Variants in ZCCHC8 observed in about 807,000 individuals in gnomAD.
ZCCHC8 encodes zinc finger CCHC domain-containing protein 8.
Under a neutral mutation model 70.6 loss-of-function variants are expected in ZCCHC8, and 27 were observed. That is an observed-to-expected ratio of 0.38 (90% CI 0.28 to 0.53). The LOEUF is 0.53. Among genes scored for constraint, ZCCHC8 ranks in the 20% least tolerant of loss-of-function variants. ZCCHC8 has a pLI of 0.81. For missense variants in ZCCHC8, 737 were observed against 876.9 expected, an observed-to-expected ratio of 0.84 and a Z score of 2.01; for synonymous variants, 293 against 317.4, an observed-to-expected ratio of 0.92 and a Z score of 0.82.
chr12:122,482,692 T>G lies in ZCCHC8; in HGVS notation c.675A>C (p.Pro225=). The G allele has an allele frequency of 6.2e-7, 1 of 1,604,170 alleles. No individual in the cohort carries two copies. Among genetic ancestry groups the G allele is most frequent in the Non-Finnish European group, 8.5e-7 (1 of 1,174,684 alleles). The change falls in exon 8 of 14, where the codon CCA becomes CCC. Residue 225 remains proline (P), a synonymous_variant. Transcript: ENST00000633063. ...GQEIQVKAKR[P]KPHCFNCGSE... is the part of the protein sequence containing the mutation. ...AACCACAATTGAAACAGTGAGGCTTTGGCCTATTTGGTCAAAAGACAAAGA... is the reference window on the plus strand; with the variant it reads ...AACCACAATTGAAACAGTGAGGCTTGGGCCTATTTGGTCAAAAGACAAAGA...
At chr12:122,488,307 C>T (rs1957679875) in intron 5 of ZCCHC8, among the ~76,000 whole-genome samples, 2 of 151,952 alleles carry the variant, frequency 1.3e-5, no homozygotes, top group East Asian at 3.9e-4. Flanking sequence ...CCTGGGATTA[C>T]AGGTGTGAGC....
At chr12:122,494,621 C>T (rs531136761) in intron 2 of ZCCHC8, among the ~76,000 whole-genome samples, 61 of 142,018 alleles carry the variant, frequency 4.3e-4, no homozygotes, top group Non-Finnish European at 4.3e-4. Context: ...TTTGGGAGGC[C>T]GAGGCGGGTG....
At chr12:122,492,513 A>G (rs1039692633) in intron 3 of ZCCHC8, among the ~76,000 whole-genome samples, 1 of 152,218 alleles carries the variant, frequency 6.6e-6, no homozygotes, top group African/African-American at 2.4e-5. Flanking sequence ...GTTCACAGAC[A>G]TAGAAAGTAA....
At chr12:122,489,228 A>G (rs1957701291) in intron 5 of ZCCHC8, among the ~76,000 whole-genome samples, 158 bp downstream of exon 5, 1 of 152,244 alleles carries the variant, frequency 6.6e-6, no homozygotes, top group Non-Finnish European at 1.5e-5. Context: ...TTAAACAGCA[A>G]ACTGAGGCTA....
intron 11 of ZCCHC8, chr12:122,478,522 CA>C: frequency 1.1e-5 from 5 of 457,078 alleles, no homozygotes; most frequent in African/African-American, 2.0e-5. Context: ...ATCACTTGGC[CA>C]AAAAAGGTTC....
In ZCCHC8 at chr12:122,481,555, C is replaced by G; in HGVS notation, c.985G>C (p.Glu329Gln). The G allele has an allele frequency of 6.2e-7, 1 of 1,613,872 alleles. No individual in the cohort carries two copies. Among genetic ancestry groups the G allele is most frequent in the Non-Finnish European group, 8.5e-7 (1 of 1,179,862 alleles). ...TCATAGAGTGCAAGCCCCGAATTCTCCAATTCAGCCTCTTTGAGCCACCCT... is the reference window on the plus strand; with the variant it reads ...TCATAGAGTGCAAGCCCCGAATTCTGCAATTCAGCCTCTTTGAGCCACCCT... ...PPGWLKEAEL[E>Q]NSGLALYDGK... The change falls in exon 10 of 14, where the codon GAG becomes CAG. Residue 329 changes from glutamate to glutamine, a missense_variant. Glu to Gln is a conservative substitution (Grantham distance 29). Coordinates refer to ENST00000633063, the MANE Select transcript of ZCCHC8 (RefSeq NM_017612.5).
chr12:122,481,735 T>C, intron 9 of ZCCHC8, 71 bp from the exon 10 acceptor site: 1 of 1,509,520 alleles, frequency 6.6e-7, no homozygotes, highest in Non-Finnish European at 8.9e-7. Flanking sequence ...TATTCTGGTA[T>C]TTTAAAACAT....
chr12:122,480,350 T>A, intron 10 of ZCCHC8, 39 bp from the exon 11 acceptor site: 1 of 1,542,152 alleles, frequency 6.5e-7, no homozygotes, highest in Non-Finnish European at 8.8e-7. Flanking sequence ...TTGCTAAATG[T>A]CAATATATAT....
At chr12:122,478,184 C>T in intron 12 of ZCCHC8, 22 bp downstream of exon 12, 1 of 1,523,236 alleles carries the variant, frequency 6.6e-7, no homozygotes, top group South Asian at 1.2e-5. Context: ...TTTTATAGAG[C>T]ACACCCTTAA....
Position 122,483,475 on chromosome 12 carries a change from C to A in ZCCHC8, c.590G>T (p.Gly197Val), listed in dbSNP as rs1387897053. Residue 197 changes from glycine (G) to valine (V), a missense_variant, in exon 6 of 14, where the codon GGA becomes GTA. Physicochemically the swap from Gly to Val is moderately radical, Grantham distance 109. Coordinates refer to ENST00000633063, the MANE Select transcript of ZCCHC8 (RefSeq NM_017612.5). The surrounding 1 kb of genome is among the most constrained non-coding windows in gnomAD (Gnocchi z 4.4). ...LLNENPQLSE[G>V]WEIPKYHQVF... is the part of the protein sequence containing the mutation. The stretch of plus-strand genomic sequence containing the variant: ...TGTAGGATACTTGGGTATTTCCCAT[C>A]CTTCGGAAAGCTGAGGGTTTTCATT... The A allele has an allele frequency of 6.3e-7, 1 of 1,593,110 alleles. No individual in the cohort carries two copies. Among genetic ancestry groups the A allele is most frequent in the Non-Finnish European group, 8.6e-7 (1 of 1,168,464 alleles).
chr12:122,473,742 CATT>C lies in ZCCHC8; in HGVS notation c.1876_1878del (p.Asn626del). 6.2e-7 allele frequency: 1 copy of C among 1,613,780 alleles called. No homozygotes were observed. The highest frequency in any genetic ancestry group is 8.5e-7 in the Non-Finnish European group (1 of 1,179,710). Reference sequence around the variant, plus strand: ...ATGTCACAGTTTGGTACGACACTGCCATTATCAAGAAGGGCACCTTCAGTGTTT... The same window carrying C: ...ATGTCACAGTTTGGTACGACACTGCCATCAAGAAGGGCACCTTCAGTGTTT... On this transcript the variant is annotated inframe_deletion, in exon 14 of 14. Coordinates refer to ENST00000633063, the MANE Select transcript of ZCCHC8 (RefSeq NM_017612.5).
intron 2 of ZCCHC8, among the ~76,000 whole-genome samples, chr12:122,493,296 T>C (rs983178994): frequency 6.6e-6 from 1 of 152,236 alleles, no homozygotes; most frequent in Non-Finnish European, 1.5e-5. Flanking sequence ...TTTTTTTTAA[T>C]GTTTAACAAA....
In ZCCHC8 at chr12:122,490,506, G is replaced by T. The variant is rs1394377630; in HGVS notation, c.379C>A (p.Gln127Lys). 6.2e-7 allele frequency: 1 copy of T among 1,612,738 alleles called. No homozygotes were observed. The stretch of plus-strand genomic sequence containing the variant: ...GAAGTCTTTTCCACATCATTTTTCT[G>T]CTGTTCCTCAAATCTTTTTACTAAA... Reference protein sequence around the residue: ...SNLVKRFEEQQKNDVEKTSFN... With the variant: ...SNLVKRFEEQKKNDVEKTSFN... Residue 127 changes from glutamine (Q) to lysine (K), a missense_variant, in exon 4 of 14, where the codon CAG becomes AAG. By Grantham distance (53) the Gln-to-Lys change is moderately conservative. Transcript: ENST00000633063.
intron 8 of ZCCHC8, chr12:122,482,418 G>C (rs1422286489): frequency 4.6e-6 from 2 of 438,784 alleles, no homozygotes; most frequent in Admixed American, 4.0e-5. Context: ...AATTTGAAAA[G>C]ATTTCAAATT....
At chr12:122,482,973 C>A in intron 7 of ZCCHC8, 5 of 518,566 alleles carry the variant, frequency 9.6e-6, no homozygotes, top group Non-Finnish European at 1.4e-5. Flanking sequence ...TCAAGGTGAA[C>A]ACATTGATCA....
At chr12:122,498,933 A>G in intron 1 of ZCCHC8, 64 bp from the exon 2 acceptor site, 2 of 1,393,642 alleles carry the variant, frequency 1.4e-6, no homozygotes, top group East Asian at 2.3e-5. Context: ...TTCAACTACT[A>G]CTTCTCTCAC....
chr12:122,490,403 A>C (rs1398577404), intron 4 of ZCCHC8, 59 bp downstream of exon 4: 2 of 1,305,666 alleles, frequency 1.5e-6, no homozygotes, highest in African/African-American at 2.9e-5. Context: ...CTTGTGGCCC[A>C]ATAATTGGCA....
At chr12:122,490,641 T>C in intron 3 of ZCCHC8, 74 bp from the exon 4 acceptor site, 2 of 841,382 alleles carry the variant, frequency 2.4e-6, no homozygotes, top group South Asian at 2.0e-5. Flanking sequence ...TATGCATTAC[T>C]GTAAGATTTC....
chr12:122,488,023 C>A (rs566939784), intron 5 of ZCCHC8, among the ~76,000 whole-genome samples: 39 of 151,730 alleles, frequency 2.6e-4, no homozygotes, highest in South Asian at 1.7e-3. Context: ...TCCATGCCAC[C>A]ACACTTGGCT....
Sources: allele counts gnomAD v4.1 joint callset (sites outside exome capture counted in the v4.1 genomes callset), GRCh38; gene constraint gnomAD v4.1.1; non-coding constraint Gnocchi (gnomAD v3.1); transcripts MANE v1.5; gene names NCBI Gene and HGNC (gene_info 2026-07-23, HGNC 2026-07-21).